Variants in ECI2 observed in about 807,000 individuals in gnomAD.
ECI2 encodes D3,D2-enoyl-CoA isomerase.
ECI2 carries 27 observed loss-of-function variants against 38.4 expected under a neutral mutation model. The ratio of observed to expected loss-of-function variants is 0.70; its 90% CI spans 0.52 to 0.97. The LOEUF is 0.97. Ranked by LOEUF, ECI2 falls within the 50% of genes least tolerant of loss-of-function variation. The probability of loss-of-function intolerance (pLI) is 0.00; values close to 1 mark genes in which losing one functional copy is unlikely to be tolerated. For missense variants in ECI2, 470 were observed against 474.4 expected (o/e 0.99, Z 0.09); for synonymous variants, 168 against 172.0 (o/e 0.98, Z 0.18).
intron 5 of ECI2, 41 bp downstream of exon 5, chr6:4,127,721 A>T (rs1049481038): frequency 1.9e-6 from 3 of 1,593,774 alleles, no homozygotes; most frequent in Non-Finnish European, 2.6e-6. Flanking sequence ...GAGGCCCCTC[A>T]AAATAGAAAT....
rs762557151 is a variant in ECI2, at chr6:4,133,535, C to T, written c.213+14G>A. 5.6e-6 allele frequency: 9 copies of T among 1,594,310 alleles called. No individual in the cohort carries two copies. The Admixed American group carries it at 1.6e-4, about 29-fold the overall frequency. ...CCAAAATTCTTTAAATAACGTTCGA[C>T]CGTAGGCATTTACCTGCTTATATAG... On this transcript the variant is annotated intron_variant, in intron 2 of 9. Transcript: ENST00000380118.
In ECI2 at chr6:4,130,177, A is replaced by G. The variant is rs540985715; in HGVS notation, c.501+195T>C. 1.6e-5 allele frequency: 26 copies of G among 1,613,844 alleles called. No individual in the cohort carries two copies. In the African/African-American group the frequency reaches 3.3e-4, roughly 21 times the overall value. The stretch of plus-strand genomic sequence containing the variant: ...GTGCCTTCTGGGTATATCAGAACCT[A>G]CCTGAAATTCACAAACTCTAAACAA... On this transcript the variant is annotated intron_variant, in intron 4 of 9. Coordinates refer to ENST00000380118, the MANE Select transcript of ECI2 (RefSeq NM_206836.3).
At position 4,123,240 on chromosome 6, in the gene ECI2, G is replaced by C. The variant is rs61188016; in HGVS notation, c.795+2010C>G. ...CACCTAGGCTGGAGTGCAGTGGTACGATCTCGGCTCACTGCAACCTCTACC... is the reference window on the plus strand; with the variant it reads ...CACCTAGGCTGGAGTGCAGTGGTACCATCTCGGCTCACTGCAACCTCTACC... On this transcript the variant is annotated intron_variant, in intron 7 of 9. Coordinates refer to ENST00000380118, the MANE Select transcript of ECI2 (RefSeq NM_206836.3). Among the ~76,000 whole-genome samples, 668 of 151,536 alleles carry C rather than the reference G, an allele frequency of 4.4e-3. 4 individuals carry two copies. The highest frequency in any genetic ancestry group is 0.015 in the African/African-American group (623 of 41,294).
chr6:4,126,187 T>G lies in ECI2; in HGVS notation c.622A>C (p.Ile208Leu). 6.2e-7 allele frequency: 1 copy of G among 1,613,920 alleles called. No homozygotes were observed. The highest frequency in any genetic ancestry group is 8.5e-7 in the Non-Finnish European group (1 of 1,179,970). The change falls in exon 6 of 10, where the codon ATT (isoleucine) becomes CTT (leucine). Residue 208 changes from isoleucine to leucine, a missense_variant. Physicochemically the swap from Ile to Leu is conservative, Grantham distance 5. Transcript: ENST00000380118. ...TTCTCCTCTACTCCACCAGGGGGAA[T>G]ATCAGTGAAGTTAGTCAGATCATTC... is the stretch of plus-strand genomic sequence containing the variant. ...SGNDLTNFTDIPPGGVEEKAK... is the reference protein window; with the variant it reads ...SGNDLTNFTDLPPGGVEEKAK...
At chr6:4,128,582 G>A (rs948072016) in intron 4 of ECI2, among the ~76,000 whole-genome samples, 7 of 152,146 alleles carry the variant, frequency 4.6e-5, no homozygotes, top group African/African-American at 1.4e-4. Flanking sequence ...CCTGCCCTCC[G>A]TATCCACGGG....
chr6:4,119,144 G>C, intron 8 of ECI2, 42 bp downstream of exon 8: 2 of 1,504,374 alleles, frequency 1.3e-6, no homozygotes, highest in Non-Finnish European at 1.8e-6. Flanking sequence ...TCTTTCTTGA[G>C]ATGACTCATA....
intron 7 of ECI2, among the ~76,000 whole-genome samples, chr6:4,124,031 G>A (rs694058): frequency 0.063 from 9,541 of 151,960 alleles, 664 homozygotes; most frequent in East Asian, 0.34. Flanking sequence ...ATCAGAACAA[G>A]ATTCAAATAC....
chr6:4,131,894 G>T (rs1168685203), intron 2 of ECI2, among the ~76,000 whole-genome samples: 3 of 151,768 alleles, frequency 2.0e-5, no homozygotes, highest in African/African-American at 7.3e-5. Context: ...AAAGAAAAAA[G>T]AAAAAGGCAG....
rs138632460 is a variant in ECI2, at chr6:4,130,794, T to C, written c.285A>G (p.Ala95=). The change falls in exon 3 of 10, where the codon GCA becomes GCG. Residue 95 remains alanine, a synonymous_variant. Transcript: ENST00000380118. ...FDLINKAKWD[A]WNALGSLPKE... is the part of the protein sequence containing the mutation. Reference sequence around the variant, plus strand: ...TGGGCAGGCTGCCAAGGGCATTCCATGCGTCCCATTTGGCCTTGTTGATCA... The same window carrying C: ...TGGGCAGGCTGCCAAGGGCATTCCACGCGTCCCATTTGGCCTTGTTGATCA... The C allele has an allele frequency of 9.9e-6, 16 of 1,614,220 alleles. No individual in the cohort carries two copies. The South Asian group carries it at 1.6e-4, about 17-fold the overall frequency.
At chr6:4,123,996 A>C (rs1238370917) in intron 7 of ECI2, among the ~76,000 whole-genome samples, 1 of 152,236 alleles carries the variant, frequency 6.6e-6, no homozygotes, top group African/African-American at 2.4e-5. Context: ...TGTATATTGA[A>C]AGTAATTTTC....
At chr6:4,130,666 G>A (rs756852322) in intron 3 of ECI2, 101 bp downstream of exon 3, 1 of 1,594,448 alleles carries the variant, frequency 6.3e-7, no homozygotes, top group Admixed American at 1.7e-5. Flanking sequence ...AAGAATAGAA[G>A]CACATCAAGA....
In ECI2 at chr6:4,129,702, G is replaced by T. The variant is rs368646280; in HGVS notation, c.501+670C>A. 4.2e-4 allele frequency among the ~76,000 whole-genome samples: 64 copies of T among 152,288 alleles called. 1 individual carries two copies. The South Asian group carries it at 9.5e-3, about 23-fold the overall frequency. On this transcript the variant is annotated intron_variant, in intron 4 of 9. Coordinates refer to ENST00000380118, the MANE Select transcript of ECI2 (RefSeq NM_206836.3). ...TCCTACTTCATGAAATTCTGAAGATGATTTTAAAGTGAGTATGCTCTTTCT... is the reference window on the plus strand; with the variant it reads ...TCCTACTTCATGAAATTCTGAAGATTATTTTAAAGTGAGTATGCTCTTTCT...
intron 5 of ECI2, among the ~76,000 whole-genome samples, chr6:4,127,404 CTTTTTTTTTTTTTTTT>C (rs71001567): frequency 1.3e-5 from 1 of 75,892 alleles, no homozygotes; most frequent in Non-Finnish European, 2.5e-5. Flanking sequence ...ATCTTAGAGC[CTTTTTTTTTTTTTTTT>C]TTTTTTTTTT....
At chr6:4,132,760 CTCTCTT>C (rs1338669667) in intron 2 of ECI2, among the ~76,000 whole-genome samples, 2 of 152,244 alleles carry the variant, frequency 1.3e-5, no homozygotes, top group South Asian at 2.1e-4. Context: ...TCATCTCTCT[CTCTCTT>C]TATTTTCTTT....
intron 9 of ECI2, among the ~76,000 whole-genome samples, chr6:4,116,248 G>A (rs1469760212): frequency 6.6e-6 from 1 of 151,846 alleles, no homozygotes; most frequent in Non-Finnish European, 1.5e-5. Context: ...CTACTCAGGA[G>A]GCTGAGTCAA....
chr6:4,119,502 G>A lies in ECI2; in HGVS notation c.796-227C>T, dbSNP rs188345246. On this transcript the variant is annotated intron_variant, in intron 7 of 9. Transcript: ENST00000380118. ...TGCCTGGCTAATTTTTGTATTTTTC[G>A]TAGAGACGGGGTTTCGCCCTGTTGG... Among the ~76,000 whole-genome samples the A allele has an allele frequency of 2.4e-3, 360 of 152,040 alleles. 2 individuals are homozygous for A. The highest frequency in any genetic ancestry group is 7.7e-3 in the African/African-American group (321 of 41,436).
At chr6:4,124,214 G>A (rs1772996114) in intron 7 of ECI2, among the ~76,000 whole-genome samples, 1 of 152,142 alleles carries the variant, frequency 6.6e-6, no homozygotes, top group African/African-American at 2.4e-5. Context: ...CAAAGGCTGG[G>A]CAGCCTGGCA....
chr6:4,125,696 G>A, intron 6 of ECI2: 1 of 433,424 alleles, frequency 2.3e-6, no homozygotes, highest in South Asian at 2.3e-5. Context: ...AGCACATGCT[G>A]CAATATCACA....
intron 6 of ECI2, 120 bp downstream of exon 6, chr6:4,126,015 A>G (rs929105416): frequency 1.2e-6 from 1 of 804,892 alleles, no homozygotes; most frequent in East Asian, 2.6e-5. Flanking sequence ...ATGCTTGTCC[A>G]AAGTCACAAT....
Sources: gnomAD v4.1 joint callset for allele counts (sites outside exome capture counted in the v4.1 genomes callset) on GRCh38, gnomAD v4.1.1 for gene constraint, MANE v1.5 for transcripts, NCBI Gene and HGNC (gene_info 2026-07-23, HGNC 2026-07-21) for gene names.